Variants in ANTXR1 observed in about 807,000 individuals in gnomAD.
ANTXR1 encodes ANTXR cell adhesion molecule 1.
In ANTXR1, 19 loss-of-function variants were observed where a neutral mutation model predicts 78.1. The observed-to-expected ratio is 0.24, with a 90% CI of 0.17 to 0.36. ANTXR1 has a LOEUF of 0.36. Ranked by LOEUF, ANTXR1 falls within the 10% of genes least tolerant of loss-of-function variation. The pLI is 1.00. For missense variants in ANTXR1, 518 were observed against 718.6 expected, an observed-to-expected ratio of 0.72 and a Z score of 3.19; for synonymous variants, 273 against 260.5, an observed-to-expected ratio of 1.05 and a Z score of -0.46.
intron 16 of ANTXR1, among the ~76,000 whole-genome samples, chr2:69,185,012 C>T (rs1234339524): frequency 2.0e-5 from 3 of 152,188 alleles, no homozygotes; most frequent in Non-Finnish European, 4.4e-5. Context: ...TTCCAGACTC[C>T]CTGAGTGATA....
intron 17 of ANTXR1, among the ~76,000 whole-genome samples, chr2:69,215,425 G>C (rs908885048): frequency 1.1e-4 from 17 of 152,154 alleles, no homozygotes; most frequent in Admixed American, 9.2e-4. Flanking sequence ...TTACAGCTCA[G>C]AGCATAGTCA....
At chr2:69,137,857 G>C (rs1672959115) in intron 12 of ANTXR1, among the ~76,000 whole-genome samples, 1 of 151,184 alleles carries the variant, frequency 6.6e-6, no homozygotes, top group South Asian at 2.1e-4. Context: ...GCCAAGGCAT[G>C]TGGATCACCT....
At chr2:69,201,686 G>T (rs979636248) in intron 17 of ANTXR1, among the ~76,000 whole-genome samples, 8 of 152,314 alleles carry the variant, frequency 5.3e-5, no homozygotes, top group African/African-American at 1.9e-4. Context: ...CTGCCTGGGT[G>T]TAGAGGATGA....
chr2:69,043,726 T>C (rs1008699231), intron 2 of ANTXR1, among the ~76,000 whole-genome samples: 3 of 152,148 alleles, frequency 2.0e-5, no homozygotes, highest in African/African-American at 7.2e-5. Flanking sequence ...CTAATTTTTG[T>C]TTTAGGAAAA....
intron 17 of ANTXR1, among the ~76,000 whole-genome samples, chr2:69,201,633 T>C (rs1170056357): frequency 6.6e-6 from 1 of 152,150 alleles, no homozygotes; most frequent in Non-Finnish European, 1.5e-5. Flanking sequence ...GGAAGACAGC[T>C]TGGATTCACA....
At chr2:69,079,388 C>T (rs1177735720) in intron 8 of ANTXR1, among the ~76,000 whole-genome samples, 4 of 152,072 alleles carry the variant, frequency 2.6e-5, no homozygotes, top group Admixed American at 2.6e-4. Flanking sequence ...GGGCAGGAGT[C>T]CTCATGAGAA....
chr2:69,164,756 T>G (rs1160962518), intron 13 of ANTXR1, among the ~76,000 whole-genome samples: 2 of 152,214 alleles, frequency 1.3e-5, no homozygotes. Flanking sequence ...AGTACCTGCA[T>G]GCAGAGCTGA....
intron 12 of ANTXR1, among the ~76,000 whole-genome samples, chr2:69,129,704 T>C (rs1672666911): frequency 6.6e-6 from 1 of 151,576 alleles, no homozygotes; most frequent in South Asian, 2.1e-4. Flanking sequence ...TGAGCCGAGA[T>C]TGCACCACTG....
intron 16 of ANTXR1, among the ~76,000 whole-genome samples, chr2:69,183,974 G>A (rs532753456): frequency 6.6e-6 from 1 of 152,156 alleles, no homozygotes; most frequent in East Asian, 1.9e-4. Context: ...CCAGTTTCAA[G>A]CTGCAAACAG....
Position 69,165,670 on chromosome 2 carries a change from C to T in ANTXR1, c.1048-4578C>T, listed in dbSNP as rs576631550. ...TGTGGGCCTGACTCGCGGCTTCAAA[C>T]GGAACGTCTAGTGAGCCTGTGCAGC... On this transcript the variant is annotated intron_variant, in intron 13 of 17. Coordinates refer to ENST00000303714, the MANE Select transcript of ANTXR1 (RefSeq NM_032208.3). 1.1e-3 allele frequency among the ~76,000 whole-genome samples: 168 copies of T among 152,340 alleles called. 2 individuals are homozygous for T. The highest frequency in any genetic ancestry group is 7.5e-4 in the Non-Finnish European group (51 of 68,036).
At chr2:69,219,225 C>G (rs927409345) in intron 17 of ANTXR1, among the ~76,000 whole-genome samples, 3 of 152,140 alleles carry the variant, frequency 2.0e-5, no homozygotes, top group Non-Finnish European at 4.4e-5. Flanking sequence ...AGAGCATGCA[C>G]AAGCAAAATG....
intron 9 of ANTXR1, among the ~76,000 whole-genome samples, chr2:69,096,290 G>A (rs9678929): frequency 0.49 from 7,638 of 15,722 alleles, 1,387 homozygotes; most frequent in East Asian, 0.62. Flanking sequence ...GGAAGGAAGG[G>A]AGGAAGGGAG....
chr2:69,037,337 C>G (rs369766750), intron 1 of ANTXR1, among the ~76,000 whole-genome samples: 239 of 152,304 alleles, frequency 1.6e-3, no homozygotes, highest in African/African-American at 5.4e-3. Context: ...CCGATTGCCA[C>G]CCAGTATCAG....
chr2:69,096,291 AGGAAGGG>A lies in ANTXR1; in HGVS notation c.703+5373_703+5379del, dbSNP rs1671406301. Among the ~76,000 whole-genome samples the A allele has an allele frequency of 1.4e-4, 5 of 35,390 alleles. 1 individual carries two copies. The highest frequency in any genetic ancestry group is 1.6e-4 in the Non-Finnish European group (3 of 19,130). The allele number at this position is 35,390 out of a possible 152,430, so 23.2% of individuals were successfully genotyped here. A position where few individuals can be genotyped will look rare whatever the true frequency, so the allele number is the denominator to read the frequency against. On this transcript the variant is annotated intron_variant, in intron 9 of 17. Transcript: ENST00000303714. ...AAGGAAGGAAGGAAGGAAGGAAGGG[AGGAAGGG>A]AGGAAGGGAGGAAGGGAGGAAGGGA...
chr2:69,197,212 C>G (rs998380782), intron 17 of ANTXR1, among the ~76,000 whole-genome samples: 16 of 152,176 alleles, frequency 1.1e-4, no homozygotes, highest in Admixed American at 6.5e-5. Context: ...AATAGCAAAC[C>G]AGTAGCACAT....
At chr2:69,049,037 G>A (rs1159016121) in intron 3 of ANTXR1, among the ~76,000 whole-genome samples, 1 of 151,922 alleles carries the variant, frequency 6.6e-6, no homozygotes, top group Non-Finnish European at 1.5e-5. Context: ...GGCATTTTAA[G>A]TTGCCTCCAT....
intron 17 of ANTXR1, among the ~76,000 whole-genome samples, chr2:69,234,177 T>C (rs1165456180): frequency 1.3e-5 from 2 of 152,206 alleles, no homozygotes; most frequent in African/African-American, 2.4e-5. Flanking sequence ...AATATTACAA[T>C]ATGTTGTGGA....
At chr2:69,201,026 G>T (rs147748571) in intron 17 of ANTXR1, among the ~76,000 whole-genome samples, 193 of 152,270 alleles carry the variant, frequency 1.3e-3, no homozygotes, top group African/African-American at 4.5e-3. Context: ...ATAGTTGTTA[G>T]ATGTCTTCTA....
intron 9 of ANTXR1, among the ~76,000 whole-genome samples, chr2:69,096,402 A>G (rs1034937116): frequency 1.4e-5 from 2 of 144,470 alleles, no homozygotes; most frequent in Non-Finnish European, 3.0e-5. Context: ...GGAAGGAAGG[A>G]AGGAAATCAA....
Sources: gnomAD v4.1 joint callset for allele counts (sites outside exome capture counted in the v4.1 genomes callset) on GRCh38, gnomAD v4.1.1 for gene constraint, MANE v1.5 for transcripts, NCBI Gene and HGNC (gene_info 2026-07-23, HGNC 2026-07-21) for gene names.